The following BEND3 variants were observed in gnomAD, a reference collection of about 807,000 sequenced individuals.
The protein encoded by BEND3 is BEN domain containing 3, also known as BEN domain-containing protein 3.
BEND3 carries 13 observed loss-of-function variants against 60.1 expected under a neutral mutation model. That is an observed-to-expected ratio of 0.22 (90% confidence interval 0.14 to 0.34). BEND3 has a LOEUF of 0.34. BEND3 is among the 10% of genes least tolerant of loss of function. The pLI is 1.00. For synonymous variants in BEND3, 497 were observed against 491.5 expected (o/e 1.01, Z -0.15); for missense variants, 896 against 1,138.1 (o/e 0.79, Z 3.06).
In BEND3 at chr6:107,070,796, T is replaced by C. The variant is rs1554231929; in HGVS notation, c.395A>G (p.Tyr132Cys). Residue 132 changes from tyrosine (Y) to cysteine (C), a missense_variant, in exon 4 of 4, where the codon TAT becomes TGT. By Grantham distance (194) the Tyr-to-Cys change is radical (BLOSUM62 -2). Transcript: ENST00000369042. The surrounding 1 kb of genome is among the most constrained non-coding windows in gnomAD (Gnocchi z 6.9). ...CTCCATGATCTTGTGCGAGATGCCA[T>C]ACAGAGGCTTCTTGTAGGAAGGGGT... is the stretch of plus-strand genomic sequence containing the variant. ...ATTPSYKKPL[Y>C]GISHKIMEKK... The C allele has an allele frequency of 6.2e-7, 1 of 1,614,116 alleles. No individual in the cohort carries two copies. Among genetic ancestry groups the C allele is most frequent in the South Asian group, 1.1e-5 (1 of 91,078 alleles).
At chr6:107,089,755 C>T (rs1350606207) in intron 3 of BEND3, among the ~76,000 whole-genome samples, 4 of 150,828 alleles carry the variant, frequency 2.7e-5, no homozygotes, top group Non-Finnish European at 4.4e-5. Context: ...CAATTGTGCA[C>T]GGCTAATTTT....
chr6:107,102,611 T>G (rs1450030242), intron 1 of BEND3, among the ~76,000 whole-genome samples: 1 of 152,184 alleles, frequency 6.6e-6, no homozygotes, highest in Non-Finnish European at 1.5e-5. Flanking sequence ...AGATGCTAGG[T>G]TAGCCCAGAA....
At chr6:107,097,056 G>A (rs989559731) in intron 3 of BEND3, among the ~76,000 whole-genome samples, 1 of 152,094 alleles carries the variant, frequency 6.6e-6, no homozygotes, top group Non-Finnish European at 1.5e-5. Flanking sequence ...GGTATAGTAT[G>A]TGAATTATAT....
chr6:107,099,087 A>T (rs1775650432), intron 2 of BEND3, among the ~76,000 whole-genome samples, 162 bp downstream of exon 2: 1 of 152,032 alleles, frequency 6.6e-6, no homozygotes, highest in Non-Finnish European at 1.5e-5. Context: ...GGTGCTTATA[A>T]CAAGTGTGTG....
At chr6:107,092,716 A>G (rs1452653640) in intron 3 of BEND3, among the ~76,000 whole-genome samples, 4 of 152,214 alleles carry the variant, frequency 2.6e-5, no homozygotes, top group Admixed American at 6.6e-5. Context: ...ATGATTGTCT[A>G]TGTAGAACAT....
chr6:107,070,837 G>T lies in BEND3; in HGVS notation c.354C>A (p.Pro118=). 1 of 1,613,972 alleles carries T rather than the reference G, an allele frequency of 6.2e-7. No homozygotes were observed. The highest frequency in any genetic ancestry group is 8.5e-7 in the Non-Finnish European group (1 of 1,180,032). ...AGGAAGGGGTGGTGGCATCGTTGCA[G>T]GGCTCCTCCTCTCCAGGCCACACAT... ...LGNVWPGEEE[P]CNDATTPSYK... Residue 118 remains proline (P), a synonymous_variant, in exon 4 of 4, where the codon CCC becomes CCA. Coordinates refer to ENST00000369042, the MANE Select transcript of BEND3 (RefSeq NM_001367314.1). This position sits in a 1 kb window ranked among gnomAD's most constrained non-coding sequence, Gnocchi z 6.9.
intron 1 of BEND3, among the ~76,000 whole-genome samples, chr6:107,109,706 T>C (rs1456760572): frequency 6.6e-6 from 1 of 152,004 alleles, no homozygotes; most frequent in Non-Finnish European, 1.5e-5. Flanking sequence ...AAACCGCGTC[T>C]CTACTAAAAA....
chr6:107,073,201 G>A (rs13191890), intron 3 of BEND3, among the ~76,000 whole-genome samples: 2,767 of 22,468 alleles, frequency 0.12, 369 homozygotes, highest in East Asian at 0.26. Flanking sequence ...GTATGTGTAT[G>A]TATATATATA....
At chr6:107,084,403 G>C (rs1398486348) in intron 3 of BEND3, among the ~76,000 whole-genome samples, 1 of 152,232 alleles carries the variant, frequency 6.6e-6, no homozygotes, top group African/African-American at 2.4e-5. Context: ...TCTAGCTAGA[G>C]GATTGTAAAC....
chr6:107,098,506 G>A, intron 3 of BEND3, 45 bp downstream of exon 3: 1 of 1,585,418 alleles, frequency 6.3e-7, no homozygotes, highest in Non-Finnish European at 8.6e-7. Context: ...TGGAATCAGA[G>A]AGGGTTAGAG....
chr6:107,113,700 C>A (rs1444845299), intron 1 of BEND3, among the ~76,000 whole-genome samples: 1 of 151,876 alleles, frequency 6.6e-6, no homozygotes, highest in Non-Finnish European at 1.5e-5. Flanking sequence ...GTCCCAGTAC[C>A]GAGGAAAGCT....
intron 3 of BEND3, among the ~76,000 whole-genome samples, chr6:107,085,609 A>T (rs1330503456): frequency 6.6e-6 from 1 of 151,138 alleles, no homozygotes; most frequent in African/African-American, 2.4e-5. Context: ...CTCCTGCCTC[A>T]GCCTCCTGAG....
chr6:107,106,371 A>T (rs1775814452), intron 1 of BEND3, among the ~76,000 whole-genome samples: 1 of 152,172 alleles, frequency 6.6e-6, no homozygotes, highest in Admixed American at 6.5e-5. Flanking sequence ...TGAGAGCTTC[A>T]TTCCAGCCTT....
intron 3 of BEND3, among the ~76,000 whole-genome samples, chr6:107,090,609 T>C (rs116470236): frequency 0.011 from 1,656 of 152,284 alleles, 45 homozygotes; most frequent in African/African-American, 0.039. Context: ...CGCACTTATA[T>C]ATAAATGAGT....
At chr6:107,075,434 A>T (rs1195554550) in intron 3 of BEND3, among the ~76,000 whole-genome samples, 1 of 152,220 alleles carries the variant, frequency 6.6e-6, no homozygotes, top group Non-Finnish European at 1.5e-5. Flanking sequence ...GTCACTGTGG[A>T]AAACCATTGC....
chr6:107,075,895 A>C (rs951044477), intron 3 of BEND3, among the ~76,000 whole-genome samples: 8 of 152,230 alleles, frequency 5.3e-5, no homozygotes, highest in Non-Finnish European at 1.2e-4. Context: ...GAGTACATTG[A>C]AACTGGGAAA....
chr6:107,111,184 T>C (rs782202926), intron 1 of BEND3, among the ~76,000 whole-genome samples: 6 of 151,660 alleles, frequency 4.0e-5, no homozygotes, highest in Non-Finnish European at 5.9e-5. Flanking sequence ...CAGAGTAAAA[T>C]TGACTCTCTA....
In BEND3 at chr6:107,070,578, T is replaced by C. The variant is rs1554231874; in HGVS notation, c.613A>G (p.Thr205Ala). 1.2e-6 allele frequency: 2 copies of C among 1,612,502 alleles called. No homozygotes were observed. The highest frequency in any genetic ancestry group is 1.3e-5 in the African/African-American group (1 of 74,828). The change falls in exon 4 of 4, where the codon ACC (threonine) becomes GCC (alanine). Residue 205 changes from threonine (T) to alanine (A), a missense_variant. Coordinates refer to ENST00000369042, the MANE Select transcript of BEND3 (RefSeq NM_001367314.1). The surrounding 1 kb of genome is among the most constrained non-coding windows in gnomAD (Gnocchi z 6.9). ...LIQKMFYMLN[T>A]LTSNMSQLHS... The stretch of plus-strand genomic sequence containing the variant: ...AGCTGGGACATGTTGGACGTGAGGG[T>C]GTTCAGCATGTAGAACATCTTCTGG...
At chr6:107,078,554 A>AAG (rs1775148881) in intron 3 of BEND3, among the ~76,000 whole-genome samples, 1 of 13,946 alleles carries the variant, frequency 7.2e-5, no homozygotes, top group Non-Finnish European at 1.5e-4. Flanking sequence ...TCCTGGGTTC[A>AAG]TGCCATTCTC....
Sources: allele counts gnomAD v4.1 joint callset (sites outside exome capture counted in the v4.1 genomes callset), GRCh38; gene constraint gnomAD v4.1.1; non-coding constraint Gnocchi (gnomAD v3.1); transcripts MANE v1.5; gene names NCBI Gene and HGNC (gene_info 2026-07-23, HGNC 2026-07-21).